Variants in C1orf87 observed in about 807,000 individuals in gnomAD.
C1orf87 encodes the protein chromosome 1 open reading frame 87.
A neutral mutation model predicts 60.5 loss-of-function variants in C1orf87; 58 were observed. The ratio of observed to expected loss-of-function variants is 0.96; its 90% CI spans 0.78 to 1.19. C1orf87 has a LOEUF of 1.19. Ranked by LOEUF, C1orf87 falls within the 50% of genes most tolerant of loss-of-function variation. C1orf87 has a pLI of 0.00. For synonymous variants in C1orf87, 236 were observed against 227.4 expected (o/e 1.04, Z -0.34); for missense variants, 673 against 638.6 (o/e 1.05, Z -0.58).
intron 8 of C1orf87, among the ~76,000 whole-genome samples, chr1:60,016,157 C>G (rs1645122734): frequency 6.6e-6 from 1 of 152,158 alleles, no homozygotes; most frequent in African/African-American, 2.4e-5. Flanking sequence ...CTTAACAGCC[C>G]TAACAGAAGT....
chr1:60,069,212 T>C (rs552299780), intron 2 of C1orf87, among the ~76,000 whole-genome samples: 169 of 152,276 alleles, frequency 1.1e-3, no homozygotes, highest in Non-Finnish European at 1.6e-3. Context: ...ATTTTTATTT[T>C]AGAAAGATCA....
intron 8 of C1orf87, among the ~76,000 whole-genome samples, chr1:60,017,301 G>T (rs944723098): frequency 6.6e-6 from 1 of 152,180 alleles, no homozygotes; most frequent in Non-Finnish European, 1.5e-5. Context: ...ATTCCCGTCA[G>T]AAGTAATTGC....
intron 7 of C1orf87, 50 bp downstream of exon 7, chr1:60,033,426 C>G (rs149131937): frequency 9.6e-6 from 15 of 1,555,464 alleles, no homozygotes; most frequent in Non-Finnish European, 1.2e-5. Flanking sequence ...GACCCAATGC[C>G]CTGAAGTGGC....
intron 7 of C1orf87, among the ~76,000 whole-genome samples, chr1:60,027,426 C>T (rs1002008020): frequency 6.6e-6 from 1 of 152,214 alleles, no homozygotes; most frequent in African/African-American, 2.4e-5. Context: ...TCTCTGCCTC[C>T]TGACAGAACC....
intron 8 of C1orf87, among the ~76,000 whole-genome samples, chr1:60,019,273 C>T (rs1645145582): frequency 6.6e-6 from 1 of 152,220 alleles, no homozygotes; most frequent in South Asian, 2.1e-4. Flanking sequence ...CTTCCTCTCT[C>T]CTGCTTTGCC....
chr1:59,992,825 T>C (rs757659695), intron 11 of C1orf87, among the ~76,000 whole-genome samples: 2 of 152,360 alleles, frequency 1.3e-5, no homozygotes, highest in Non-Finnish European at 2.9e-5. Flanking sequence ...CCTAATTTAT[T>C]CTGTTCTATT....
chr1:60,056,249 A>G (rs1262711379), intron 2 of C1orf87, among the ~76,000 whole-genome samples: 1 of 152,102 alleles, frequency 6.6e-6, no homozygotes, highest in Non-Finnish European at 1.5e-5. Context: ...AATAAAAAAT[A>G]AAAAAATAAT....
At chr1:60,056,249 A>T (rs1262711379) in intron 2 of C1orf87, among the ~76,000 whole-genome samples, 1 of 152,102 alleles carries the variant, frequency 6.6e-6, no homozygotes, top group South Asian at 2.1e-4. Context: ...AATAAAAAAT[A>T]AAAAAATAAT....
chr1:60,025,273 C>A (rs771258234), intron 8 of C1orf87, 128 bp downstream of exon 8: 2 of 661,190 alleles, frequency 3.0e-6, no homozygotes, highest in Non-Finnish European at 2.6e-6. Context: ...TTTATGACAT[C>A]ATCTAAACCT....
chr1:60,009,888 C>T (rs1208474753), intron 9 of C1orf87, among the ~76,000 whole-genome samples: 2 of 151,920 alleles, frequency 1.3e-5, no homozygotes, highest in African/African-American at 2.4e-5. Context: ...ACAACTGCAT[C>T]GTTTTATCAA....
At chr1:60,034,364 A>G (rs912838671) in intron 6 of C1orf87, among the ~76,000 whole-genome samples, 41 of 152,304 alleles carry the variant, frequency 2.7e-4, no homozygotes, top group African/African-American at 9.9e-4. Context: ...AGCCAAATGT[A>G]TTTGTTCCTC....
intron 10 of C1orf87, among the ~76,000 whole-genome samples, chr1:59,998,686 AT>A (rs1388169905): frequency 6.6e-6 from 1 of 152,130 alleles, no homozygotes; most frequent in African/African-American, 2.4e-5. Context: ...TTGTCCAGGA[AT>A]TTTGGTACTA....
chr1:60,041,324 C>G (rs1645323563), intron 3 of C1orf87, among the ~76,000 whole-genome samples, 193 bp from the exon 4 acceptor site: 2 of 152,178 alleles, frequency 1.3e-5, no homozygotes, highest in Non-Finnish European at 2.9e-5. Flanking sequence ...CCAATTTCAG[C>G]ATTATACGCT....
chr1:60,023,453 G>C (rs1260808979), intron 8 of C1orf87, among the ~76,000 whole-genome samples: 1 of 151,846 alleles, frequency 6.6e-6, no homozygotes, highest in African/African-American at 2.4e-5. Context: ...ATTTGTTATT[G>C]TGTTTTATCT....
chr1:60,022,109 ATTTTTT>A (rs60437294), intron 8 of C1orf87, among the ~76,000 whole-genome samples: 1 of 138,170 alleles, frequency 7.2e-6, no homozygotes, highest in Non-Finnish European at 1.5e-5. Context: ...GAGGACTTTG[ATTTTTT>A]TTTTTTTTTT....
chr1:60,040,372 C>T (rs1645313435), intron 4 of C1orf87, among the ~76,000 whole-genome samples, 192 bp from the exon 5 acceptor site: 1 of 152,228 alleles, frequency 6.6e-6, no homozygotes, highest in Admixed American at 6.5e-5. Flanking sequence ...TGCATCAGCT[C>T]TCTTCCTTCA....
At chr1:60,062,381 A>G (rs2100327691) in intron 2 of C1orf87, among the ~76,000 whole-genome samples, 1 of 152,282 alleles carries the variant, frequency 6.6e-6, no homozygotes, top group Non-Finnish European at 1.5e-5. Context: ...ATTTCCACAG[A>G]ACTGATTCAT....
chr1:60,026,685 TA>T (rs1026728821), intron 7 of C1orf87, among the ~76,000 whole-genome samples: 13 of 152,186 alleles, frequency 8.5e-5, no homozygotes, highest in South Asian at 4.1e-4. Flanking sequence ...AGTAACTACA[TA>T]AAAAAATGAA....
chr1:60,050,086 A>C (rs1317301858), intron 3 of C1orf87, among the ~76,000 whole-genome samples: 1 of 152,072 alleles, frequency 6.6e-6, no homozygotes, highest in Non-Finnish European at 1.5e-5. Flanking sequence ...TTTCTTGACT[A>C]TTCATGCTTG....
Sources: gnomAD v4.1 joint callset for allele counts (sites outside exome capture counted in the v4.1 genomes callset) on GRCh38, gnomAD v4.1.1 for gene constraint, MANE v1.5 for transcripts, NCBI Gene and HGNC (gene_info 2026-07-23, HGNC 2026-07-21) for gene names.